MPND: variants seen among roughly 807,000 people sequenced by gnomAD.
MPND encodes the protein MPN domain containing, also known as MPN domain-containing protein.
MPND carries 56 observed loss-of-function variants against 59.2 expected under a neutral mutation model. That is an observed-to-expected ratio of 0.95 (90% CI 0.76 to 1.18). The LOEUF is 1.18. MPND is among the 50% of genes most tolerant of loss of function. The pLI, the probability that MPND is intolerant of heterozygous loss-of-function variation, is 0.00. For synonymous variants in MPND, 323 were observed against 291.9 expected (o/e 1.11, Z -1.09); for missense variants, 671 against 676.0 (o/e 0.99, Z 0.08).
At chr19:4,344,193 G>A (rs957835008) in intron 2 of MPND, among the ~76,000 whole-genome samples, 199 bp downstream of exon 2, 12 of 150,514 alleles carry the variant, frequency 8.0e-5, no homozygotes, top group Non-Finnish European at 1.8e-4. Context: ...AAGAGCTCCA[G>A]TGTGAGGAGG....
intron 3 of MPND, among the ~76,000 whole-genome samples, chr19:4,352,278 G>A (rs941616385): frequency 3.3e-5 from 5 of 152,254 alleles, no homozygotes; most frequent in African/African-American, 1.2e-4. Flanking sequence ...CCTTGGCGAT[G>A]ACTTTGAGCA....
At chr19:4,358,538 A>C (rs533799945) in intron 11 of MPND, 1 of 206,600 alleles carries the variant, frequency 4.8e-6, no homozygotes, top group South Asian at 8.6e-5. Flanking sequence ...CTGTAATCCC[A>C]GCACTTTGGG....
chr19:4,351,461 A>G (rs1972314043), intron 3 of MPND, among the ~76,000 whole-genome samples: 2 of 152,218 alleles, frequency 1.3e-5, no homozygotes, highest in Admixed American at 1.3e-4. Context: ...GGCTCGCTCA[A>G]TGAACGGAGC....
intron 3 of MPND, chr19:4,348,254 CTTTTTTTTTTTTTT>C (rs4003316): frequency 7.1e-5 from 6 of 84,630 alleles, no homozygotes; most frequent in East Asian, 3.5e-4. Flanking sequence ...TTGCAAATTT[CTTTTTTTTTTTTTT>C]TTTTTTTTTT....
At chr19:4,352,819 T>C in intron 3 of MPND, 78 bp from the exon 4 acceptor site, 2 of 1,285,956 alleles carry the variant, frequency 1.6e-6, no homozygotes, top group Non-Finnish European at 2.0e-6. Context: ...GCCAAAGGGC[T>C]GGGGTGGGAT....
intron 2 of MPND, among the ~76,000 whole-genome samples, chr19:4,344,690 G>C (rs1358254448): frequency 6.6e-6 from 1 of 151,904 alleles, no homozygotes; most frequent in Non-Finnish European, 1.5e-5. Context: ...CCCTCAGCAG[G>C]CGCCTGCCAC....
rs143251197 is a variant in MPND, at chr19:4,346,677, A to G, written c.531+696A>G. Among the ~76,000 whole-genome samples, 1,245 of 152,130 alleles carry G rather than the reference A, an allele frequency of 8.2e-3. 14 individuals carry two copies. Among genetic ancestry groups the G allele is most frequent in the African/African-American group, 0.029 (1,197 of 41,514 alleles). On this transcript the variant is annotated intron_variant, in intron 3 of 12. Coordinates refer to ENST00000599840, the MANE Select transcript of MPND (RefSeq NM_001300862.2). ...AGCAATCCTCCCACCTGGACTTCCC[A>G]AAGTGTTGGGATTGCGGGCGTGAGC...
rs11668187 is a variant in MPND, at chr19:4,352,841, C to T, written c.532-56C>T. 11,552 of 1,299,514 alleles carry T rather than the reference C, an allele frequency of 8.9e-3. 850 individuals carry two copies. The African/African-American group carries it at 0.16, about 18-fold the overall frequency. The allele number at this position is 1,299,514 out of a possible 1,614,324, so 80.5% of individuals were successfully genotyped here. A position where few individuals can be genotyped will look rare whatever the true frequency, so the allele number is the denominator to read the frequency against. ...GGCTGGGGTGGGATTTAGCAGGGAG[C>T]GGGGGGGCACCCAGCTGAGGGTCCC... On this transcript the variant is annotated intron_variant, in intron 3 of 12. Coordinates refer to ENST00000599840, the MANE Select transcript of MPND (RefSeq NM_001300862.2).
chr19:4,357,176 T>G, intron 8 of MPND, 77 bp from the exon 9 acceptor site: 1 of 1,466,774 alleles, frequency 6.8e-7, no homozygotes, highest in Non-Finnish European at 9.0e-7. Flanking sequence ...AGGAATTCGT[T>G]CAGGGCTGGC....
intron 5 of MPND, 85 bp downstream of exon 5, chr19:4,354,214 G>T (rs1039312368): frequency 4.6e-6 from 7 of 1,518,068 alleles, no homozygotes; most frequent in Non-Finnish European, 4.5e-6. Context: ...GGGGTGGGGG[G>T]TGGGACAGAG....
chr19:4,357,347 ACG>A lies in MPND; in HGVS notation c.1093_1094del (p.Ala365ThrfsTer52). 6.2e-7 allele frequency: 1 copy of A among 1,613,274 alleles called. No individual in the cohort carries two copies. Among genetic ancestry groups the A allele is most frequent in the Non-Finnish European group, 8.5e-7 (1 of 1,180,008 alleles). On this transcript the variant is annotated frameshift_variant, in exon 9 of 13. Transcript: ENST00000599840. LOFTEE classifies it high-confidence loss of function. The stretch of plus-strand genomic sequence containing the variant: ...GCGCTGCCATCTCTGCAGGACATCG[ACG>A]CACAGATGGACTACCAGCTGCGGCT...
intron 3 of MPND, among the ~76,000 whole-genome samples, chr19:4,351,810 C>T (rs1972323534): frequency 7.4e-6 from 1 of 136,016 alleles, no homozygotes; most frequent in Admixed American, 8.1e-5. Flanking sequence ...TGTAGTGAGC[C>T]GAGATCATGC....
At chr19:4,356,905 A>G (rs1972449949) in intron 8 of MPND, 2 of 197,380 alleles carry the variant, frequency 1.0e-5, no homozygotes, top group South Asian at 1.9e-4. Flanking sequence ...CTCCCAAAGC[A>G]CTGGGATTAT....
At chr19:4,359,338 C>A in intron 12 of MPND, 83 bp downstream of exon 12, 1 of 1,033,156 alleles carries the variant, frequency 9.7e-7, no homozygotes, top group Non-Finnish European at 1.5e-6. Flanking sequence ...AGCAATGAGC[C>A]CCGTGGGCCT....
intron 1 of MPND, 23 bp downstream of exon 1, chr19:4,343,623 G>GAGGCGCGGGGCGC (rs1972115754): frequency 8.3e-7 from 1 of 1,211,508 alleles, no homozygotes; most frequent in Non-Finnish European, 1.0e-6. Context: ...CAGCGGGGCG[G>GAGGCGCGGGGCGC]AGGCGCGGGG....
Position 4,352,894 on chromosome 19 carries a change from C to A in MPND, c.532-3C>A. ...CGCTGTCCCTGACCCCTAACCCCTGCAGAGCCCAGCCAGTGAAGGGGAGGA... is the reference window on the plus strand; with the variant it reads ...CGCTGTCCCTGACCCCTAACCCCTGAAGAGCCCAGCCAGTGAAGGGGAGGA... On this transcript the variant is annotated splice_region_variant and splice_polypyrimidine_tract_variant and intron_variant, in intron 3 of 12. Coordinates refer to ENST00000599840, the MANE Select transcript of MPND (RefSeq NM_001300862.2). The A allele has an allele frequency of 7.3e-7, 1 of 1,376,546 alleles. No individual in the cohort carries two copies. The highest frequency in any genetic ancestry group is 2.1e-5 in the South Asian group (1 of 48,520). The allele number at this position is 1,376,546 out of a possible 1,614,324, so 85.3% of individuals were successfully genotyped here. A position where few individuals can be genotyped will look rare whatever the true frequency, so the allele number is the denominator to read the frequency against.
In MPND at chr19:4,350,745, A is replaced by G. The variant is rs556780240; in HGVS notation, c.532-2152A>G. Reference sequence around the variant, plus strand: ...CTGTGAGTCCCCCACATGGAGACATAGAGAGGCAGCTGGGCCCTGAGTCTG... The same window carrying G: ...CTGTGAGTCCCCCACATGGAGACATGGAGAGGCAGCTGGGCCCTGAGTCTG... On this transcript the variant is annotated intron_variant, in intron 3 of 12. Transcript: ENST00000599840. Among the ~76,000 whole-genome samples the G allele has an allele frequency of 1.4e-4, 21 of 152,224 alleles. 1 individual carries two copies. In the South Asian group the frequency reaches 4.4e-3, roughly 32 times the overall value.
chr19:4,359,083 G>A, intron 11 of MPND, 80 bp from the exon 12 acceptor site: 1 of 940,230 alleles, frequency 1.1e-6, no homozygotes, highest in South Asian at 1.3e-5. Flanking sequence ...AGGGCTGCCT[G>A]AGACTGGAAC....
At chr19:4,353,992 A>T in intron 4 of MPND, 53 bp from the exon 5 acceptor site, 1 of 1,534,918 alleles carries the variant, frequency 6.5e-7, no homozygotes, top group Non-Finnish European at 9.0e-7. Flanking sequence ...TGGCCACCTA[A>T]TTTGTTCTAA....
Sources: allele counts gnomAD v4.1 joint callset (sites outside exome capture counted in the v4.1 genomes callset), GRCh38; gene constraint gnomAD v4.1.1; transcripts MANE v1.5; gene names NCBI Gene and HGNC (gene_info 2026-07-23, HGNC 2026-07-21).